Variants in SARDH observed in about 807,000 individuals in gnomAD.
SARDH encodes the protein sarcosine dehydrogenase.
SARDH carries 95 observed loss-of-function variants against 109.1 expected under a neutral mutation model. That is an observed-to-expected ratio of 0.87 (90% CI 0.74 to 1.03). The LOEUF (loss-of-function observed/expected upper bound fraction) is 1.03, where lower values mean the gene tolerates loss of function less well. Ranked by LOEUF, SARDH falls within the 50% of genes least tolerant of loss-of-function variation. The pLI is 0.00. For synonymous variants in SARDH, 572 were observed against 534.8 expected, an observed-to-expected ratio of 1.07 and a Z score of -0.96; for missense variants, 1,267 against 1,287.8, an observed-to-expected ratio of 0.98 and a Z score of 0.25.
At position 133,689,739 on chromosome 9, in the gene SARDH, C is replaced by A. The variant is rs541494153; in HGVS notation, c.2069+641G>T. 4.6e-5 allele frequency among the ~76,000 whole-genome samples: 7 copies of A among 151,176 alleles called. No homozygotes were observed. In the East Asian group the frequency reaches 1.4e-3, roughly 29 times the overall value. On this transcript the variant is annotated intron_variant, in intron 16 of 20. Coordinates refer to ENST00000439388, the MANE Select transcript of SARDH (RefSeq NM_001134707.2). ...TGATGTCCTTCCTCCCTGTCCCCCA[C>A]CCCCAGTCCCTTCTCCCAGCCTCCG...
At chr9:133,664,090 G>T in intron 20 of SARDH, 76 bp from the exon 21 acceptor site, 1 of 1,561,044 alleles carries the variant, frequency 6.4e-7, no homozygotes, top group South Asian at 1.2e-5. Flanking sequence ...TTCTCTGGAG[G>T]AGGGGGTCTT....
At chr9:133,688,644 G>A (rs538300978) in intron 16 of SARDH, among the ~76,000 whole-genome samples, 2 of 152,310 alleles carry the variant, frequency 1.3e-5, no homozygotes, top group South Asian at 4.1e-4. Flanking sequence ...GCTGCCCTCT[G>A]AGCCCGGCTC....
At chr9:133,680,696 C>A (rs56024668) in intron 17 of SARDH, among the ~76,000 whole-genome samples, 3 of 152,208 alleles carry the variant, frequency 2.0e-5, no homozygotes, top group African/African-American at 4.8e-5. Context: ...CACCGGCCAC[C>A]CAGCAACTTC....
intron 20 of SARDH, 77 bp from the exon 21 acceptor site, chr9:133,664,091 A>AG: frequency 6.4e-7 from 1 of 1,560,048 alleles, no homozygotes; most frequent in South Asian, 1.2e-5. Context: ...TCTCTGGAGG[A>AG]GGGGGTCTTG....
chr9:133,685,267 C>T lies in SARDH; in HGVS notation c.2089G>A (p.Val697Met). 1 of 1,613,980 alleles carries T rather than the reference C, an allele frequency of 6.2e-7. No individual in the cohort carries two copies. Among genetic ancestry groups the T allele is most frequent in the Admixed American group, 1.7e-5 (1 of 60,014 alleles). ...GPASRAILQE[V>M]LDADLSNEAF... ...TCGTTGCTCAGGTCTGCGTCCAGCA[C>T]CTCCTGCAAAATGGCTCGGCTGCAG... The change falls in exon 17 of 21, where the codon GTG becomes ATG. Residue 697 changes from valine (V) to methionine (M), a missense_variant. Coordinates refer to ENST00000439388, the MANE Select transcript of SARDH (RefSeq NM_001134707.2).
At chr9:133,701,430 A>G (rs912267212) in intron 13 of SARDH, among the ~76,000 whole-genome samples, 6 of 152,214 alleles carry the variant, frequency 3.9e-5, no homozygotes, top group African/African-American at 1.4e-4. Flanking sequence ...GGGGCTGCCA[A>G]CCAAAACCCT....
At position 133,686,858 on chromosome 9, in the gene SARDH, G is replaced by A. The variant is rs1830904294; in HGVS notation, c.2070-1572C>T. ...TGTAACCACTCAGCACCCACGTGGT[G>A]CCAAGCCCTGGAGAGTGATACCAGT... On this transcript the variant is annotated intron_variant, in intron 16 of 20. Transcript: ENST00000439388. The surrounding 1 kb of genome is among the most constrained non-coding windows in gnomAD (Gnocchi z 4.0). Among the ~76,000 whole-genome samples, 1 of 152,212 alleles carries A rather than the reference G, an allele frequency of 6.6e-6. No individual in the cohort carries two copies.
intron 1 of SARDH, 61 bp from the exon 2 acceptor site, chr9:133,734,264 T>G: frequency 8.4e-7 from 1 of 1,196,160 alleles, no homozygotes; most frequent in Non-Finnish European, 1.1e-6. Context: ...CTGTGCTGAG[T>G]ACCCAGGGAA....
intron 3 of SARDH, 151 bp downstream of exon 3, chr9:133,732,272 C>T: frequency 2.6e-6 from 1 of 389,726 alleles, no homozygotes; most frequent in South Asian, 2.7e-5. Flanking sequence ...GCAGGGGATG[C>T]GCACACGGAC....
intron 10 of SARDH, among the ~76,000 whole-genome samples, chr9:133,710,013 C>A (rs1295817830): frequency 1.3e-5 from 2 of 152,158 alleles, no homozygotes; most frequent in African/African-American, 4.8e-5. Context: ...AGAGTCCCAG[C>A]TGCCAATTCG....
At position 133,729,779 on chromosome 9, in the gene SARDH, T is replaced by A. The variant is rs1011265450; in HGVS notation, c.901A>T (p.Ile301Phe). 6.2e-7 allele frequency: 1 copy of A among 1,612,784 alleles called. No individual in the cohort carries two copies. Among genetic ancestry groups the A allele is most frequent in the African/African-American group, 1.3e-5 (1 of 74,910 alleles). Residue 301 changes from isoleucine (I) to phenylalanine (F), a missense_variant, in exon 6 of 21, where the codon ATC becomes TTC. Physicochemically the swap from Ile to Phe is conservative, Grantham distance 21. Coordinates refer to ENST00000439388, the MANE Select transcript of SARDH (RefSeq NM_001134707.2). ...MHHAYVVTER[I>F]EGIQNMPNVR... ...TGTCCACCTACCTGAATCCCCTCGA[T>A]GCGCTCGGTGACGACATAGGCATGG...
chr9:133,721,979 C>G (rs1038154395), intron 6 of SARDH, among the ~76,000 whole-genome samples: 2 of 151,858 alleles, frequency 1.3e-5, no homozygotes, highest in African/African-American at 2.4e-5. Context: ...AGCTGGGTGT[C>G]GTGGCACATG....
intron 6 of SARDH, among the ~76,000 whole-genome samples, chr9:133,720,733 G>A (rs938703675): frequency 4.6e-5 from 7 of 152,118 alleles, no homozygotes; most frequent in African/African-American, 1.4e-4. Context: ...AACAGTATGG[G>A]GGAAACCACC....
In SARDH at chr9:133,686,651, GCCC is replaced by G. The variant is rs915747227; in HGVS notation, c.2070-1368_2070-1366del. ...CCCTGGCTTGGCACAGCAGGGTGAGGCCCCCATTGCTAGGAGACGCCCCCCCAC... is the reference window on the plus strand; with the variant it reads ...CCCTGGCTTGGCACAGCAGGGTGAGGCCATTGCTAGGAGACGCCCCCCCAC... On this transcript the variant is annotated intron_variant, in intron 16 of 20. Coordinates refer to ENST00000439388, the MANE Select transcript of SARDH (RefSeq NM_001134707.2). This position sits in a 1 kb window ranked among gnomAD's most constrained non-coding sequence, Gnocchi z 4.0. Among the ~76,000 whole-genome samples, 1 of 152,120 alleles carries G rather than the reference GCCC, an allele frequency of 6.6e-6. No individual in the cohort carries two copies. The highest frequency in any genetic ancestry group is 1.5e-5 in the Non-Finnish European group (1 of 68,010).
chr9:133,721,801 G>C lies in SARDH; in HGVS notation c.916-2759C>G, dbSNP rs116494950. Among the ~76,000 whole-genome samples the C allele has an allele frequency of 9.8e-3, 1,492 of 152,310 alleles. 24 individuals are homozygous for C. The highest frequency in any genetic ancestry group is 0.034 in the African/African-American group (1,421 of 41,558). ...ACAAAACAATAGCAAACTGAATCCAGCAATATATAAGAGAGATGATACACC... is the reference window on the plus strand; with the variant it reads ...ACAAAACAATAGCAAACTGAATCCACCAATATATAAGAGAGATGATACACC... On this transcript the variant is annotated intron_variant, in intron 6 of 20. Transcript: ENST00000439388.
chr9:133,667,302 G>A (rs1227480689), intron 19 of SARDH, among the ~76,000 whole-genome samples: 3 of 149,984 alleles, frequency 2.0e-5, no homozygotes, highest in Non-Finnish European at 1.5e-5. Flanking sequence ...GAGTAGCTGG[G>A]ATTACAGGCA....
intron 16 of SARDH, among the ~76,000 whole-genome samples, chr9:133,687,545 T>G (rs1830929122): frequency 6.6e-6 from 1 of 152,112 alleles, no homozygotes; most frequent in Non-Finnish European, 1.5e-5. Context: ...CCTCCCAAAG[T>G]GCTAGGGTTG....
At position 133,732,449 on chromosome 9, in the gene SARDH, G is replaced by A; in HGVS notation, c.484C>T (p.Leu162=). 1 of 1,430,346 alleles carries A rather than the reference G, an allele frequency of 7.0e-7. No homozygotes were observed. Among genetic ancestry groups the A allele is most frequent in the East Asian group, 3.5e-5 (1 of 28,264 alleles). 88.6% of individuals were successfully genotyped at this position (1,430,346 alleles called of 1,614,324 possible). Residue 162 remains leucine, a synonymous_variant, in exon 3 of 21, where the codon CTG becomes TTG. Transcript: ENST00000439388. The part of the protein sequence containing the change: ...GLFIASNRQR[L]DEYKRLMSLG... ...GACATGAGCCTCTTGTACTCGTCCA[G>A]GCGCTGCCGGTTGGACGCGATGAAG...
At chr9:133,681,156 G>A (rs1316096560) in intron 17 of SARDH, among the ~76,000 whole-genome samples, 1 of 152,204 alleles carries the variant, frequency 6.6e-6, no homozygotes, top group Non-Finnish European at 1.5e-5. Flanking sequence ...TGCCGCCCTG[G>A]TCCTGCCACG....
Sources: allele counts gnomAD v4.1 joint callset (sites outside exome capture counted in the v4.1 genomes callset), GRCh38; gene constraint gnomAD v4.1.1; non-coding constraint Gnocchi (gnomAD v3.1); transcripts MANE v1.5; gene names NCBI Gene and HGNC (gene_info 2026-07-23, HGNC 2026-07-21).